SLC9A4: variants seen among roughly 807,000 people sequenced by gnomAD.
SLC9A4 encodes the protein solute carrier family 9 member A4.
SLC9A4 carries 63 observed loss-of-function variants against 67.4 expected under a neutral mutation model. The ratio of observed to expected loss-of-function variants is 0.93; its 90% CI spans 0.76 to 1.15. The LOEUF is 1.15. SLC9A4 is among the 50% of genes most tolerant of loss of function. The pLI is 0.00. For missense variants in SLC9A4, 1,089 were observed against 987.7 expected, an observed-to-expected ratio of 1.10 and a Z score of -1.38; for synonymous variants, 393 against 367.2, an observed-to-expected ratio of 1.07 and a Z score of -0.80.
rs571052319 is a variant in SLC9A4 at position 102,479,358 on chromosome 2, C to T, written c.720+56C>T. The T allele has an allele frequency of 5.3e-6, 8 of 1,517,396 alleles. No homozygotes were observed. In the South Asian group the frequency reaches 8.8e-5, roughly 17 times the overall value. 94.0% of individuals were successfully genotyped at this position (1,517,396 alleles called of 1,614,324 possible). On this transcript the variant is annotated intron_variant, in intron 2 of 11. Transcript: ENST00000295269. ...GGGGAGATGAGGGTTCGGGGTGGGG[C>T]TGGGGACCGGAGGCTGTGGAGACGG...
rs61195337 is a variant in SLC9A4, at chr2:102,483,799, CATATATATATATATATATATAT to C, written c.720+4519_720+4540del. On this transcript the variant is annotated intron_variant, in intron 2 of 11. Coordinates refer to ENST00000295269, the MANE Select transcript of SLC9A4 (RefSeq NM_001011552.4). ...TTAGTAACTATCTCACCATGTACAG[CATATATATATATATATATATAT>C]ATATATATATATATATATATACACA... Among the ~76,000 whole-genome samples the C allele has an allele frequency of 1.6e-3, 179 of 114,294 alleles. 4 individuals are homozygous for C. The highest frequency in any genetic ancestry group is 4.9e-3 in the African/African-American group (149 of 30,408). The allele number at this position is 114,294 out of a possible 152,430, so 75.0% of individuals were successfully genotyped here.
rs1685025765 is a variant in SLC9A4 at position 102,505,239 on chromosome 2, C to CT, written c.981-14dup. ...AACCTCATGGATTTTCTCTGAGACT[C>CT]TGCTCCTTTTATAGAATCACAGCCT... On this transcript the variant is annotated splice_polypyrimidine_tract_variant and intron_variant, in intron 3 of 11. Transcript: ENST00000295269. The CT allele has an allele frequency of 6.2e-7, 1 of 1,610,900 alleles. No homozygotes were observed. The highest frequency in any genetic ancestry group is 1.1e-5 in the South Asian group (1 of 90,478).
chr2:102,491,700 T>G (rs941484356), intron 2 of SLC9A4, among the ~76,000 whole-genome samples: 1 of 152,168 alleles, frequency 6.6e-6, no homozygotes, highest in Non-Finnish European at 1.5e-5. Flanking sequence ...CATATTGTTT[T>G]ACCGCTGTCC....
chr2:102,487,564 C>T (rs894192752), intron 2 of SLC9A4, among the ~76,000 whole-genome samples: 1 of 152,154 alleles, frequency 6.6e-6, no homozygotes, highest in Non-Finnish European at 1.5e-5. Flanking sequence ...CATTGCAATG[C>T]CTCCCATTTG....
intron 8 of SLC9A4, among the ~76,000 whole-genome samples, chr2:102,518,030 C>T (rs1268319508): frequency 1.3e-5 from 2 of 152,206 alleles, no homozygotes; most frequent in Non-Finnish European, 2.9e-5. Context: ...CTCCAGGTAT[C>T]ACCTTGCCCA....
intron 2 of SLC9A4, among the ~76,000 whole-genome samples, chr2:102,499,292 GGATA>G (rs542931351): frequency 1.0e-4 from 8 of 76,572 alleles, no homozygotes; most frequent in East Asian, 4.6e-4. Context: ...ATATATAGAT[GGATA>G]GATAGATAGA....
At chr2:102,505,156 C>A in intron 3 of SLC9A4, 98 bp from the exon 4 acceptor site, 1 of 1,069,340 alleles carries the variant, frequency 9.4e-7, no homozygotes. Context: ...CCTGCATCAA[C>A]ACGGGCTTCA....
At position 102,473,892 on chromosome 2, in the gene SLC9A4, T is replaced by C. The variant is rs570988424; in HGVS notation, c.133T>C (p.Trp45Arg). Residue 45 changes from tryptophan to arginine, a missense_variant, in exon 1 of 12, where the codon TGG (tryptophan) becomes CGG (arginine). Transcript: ENST00000295269. ...NSTAQYASNA[W>R]FAAASSEPEE... Reference sequence around the variant, plus strand: ...CACTGCTCAGTATGCATCTAACGCTTGGTTTGCTGCTGCCAGCTCAGAGCC... The same window carrying C: ...CACTGCTCAGTATGCATCTAACGCTCGGTTTGCTGCTGCCAGCTCAGAGCC... 1.2e-6 allele frequency: 2 copies of C among 1,614,150 alleles called. No homozygotes were observed. The highest frequency in any genetic ancestry group is 2.2e-5 in the South Asian group (2 of 91,086).
At chr2:102,480,874 C>T (rs575501391) in intron 2 of SLC9A4, among the ~76,000 whole-genome samples, 31 of 152,262 alleles carry the variant, frequency 2.0e-4, no homozygotes, top group African/African-American at 6.5e-4. Flanking sequence ...CCACATGCCC[C>T]GCAGGACCAC....
chr2:102,509,665 A>G (rs1422826561), intron 6 of SLC9A4, among the ~76,000 whole-genome samples: 1 of 152,146 alleles, frequency 6.6e-6, no homozygotes, highest in East Asian at 1.9e-4. Context: ...AAAAATCCCA[A>G]ATCTCAATAT....
At position 102,497,340 on chromosome 2, in the gene SLC9A4, A is replaced by G. The variant is rs534933473; in HGVS notation, c.721-6108A>G. On this transcript the variant is annotated intron_variant, in intron 2 of 11. Coordinates refer to ENST00000295269, the MANE Select transcript of SLC9A4 (RefSeq NM_001011552.4). ...AGGTATATACGCAAGAGAAATGACA[A>G]CATAGGTCTACAAAAAAGGCTTGTA... 7.2e-5 allele frequency among the ~76,000 whole-genome samples: 11 copies of G among 152,338 alleles called. No individual in the cohort carries two copies. In the East Asian group the frequency reaches 2.1e-3, roughly 29 times the overall value.
At chr2:102,523,135 T>C (rs1226952891) in intron 9 of SLC9A4, among the ~76,000 whole-genome samples, 1 of 8,614 alleles carries the variant, frequency 1.2e-4, no homozygotes, top group African/African-American at 5.6e-4. Context: ...CACCCAGCAT[T>C]TTTTTTTTTT....
intron 2 of SLC9A4, among the ~76,000 whole-genome samples, chr2:102,489,378 C>T (rs893460465): frequency 1.6e-4 from 25 of 152,096 alleles, no homozygotes; most frequent in African/African-American, 3.9e-4. Context: ...AGAAATTGTT[C>T]GGTAGTTATA....
Position 102,474,028 on chromosome 2 carries a change from A to G in SLC9A4, c.256+13A>G. On this transcript the variant is annotated intron_variant, in intron 1 of 11. Coordinates refer to ENST00000295269, the MANE Select transcript of SLC9A4 (RefSeq NM_001011552.4). ...CTTGCAAAAATAGGTAAGTCCTTAAACACCTGGTTTGGTGAGTTATCTTTT... is the reference window on the plus strand; with the variant it reads ...CTTGCAAAAATAGGTAAGTCCTTAAGCACCTGGTTTGGTGAGTTATCTTTT... The G allele has an allele frequency of 6.2e-7, 1 of 1,610,206 alleles. No homozygotes were observed. Among genetic ancestry groups the G allele is most frequent in the Non-Finnish European group, 8.5e-7 (1 of 1,177,434 alleles).
At chr2:102,496,346 A>C (rs1031807830) in intron 2 of SLC9A4, among the ~76,000 whole-genome samples, 1 of 152,214 alleles carries the variant, frequency 6.6e-6, no homozygotes, top group Non-Finnish European at 1.5e-5. Context: ...AATGACTAGA[A>C]TTTAAAAAAC....
rs2104449871 is a variant in SLC9A4, at chr2:102,526,804, A to G, written c.2038+458A>G. Among the ~76,000 whole-genome samples the G allele has an allele frequency of 1.3e-5, 2 of 152,314 alleles. 1 individual carries two copies. Among genetic ancestry groups the G allele is most frequent in the South Asian group, 4.1e-4 (2 of 4,832 alleles). On this transcript the variant is annotated intron_variant, in intron 11 of 11. Coordinates refer to ENST00000295269, the MANE Select transcript of SLC9A4 (RefSeq NM_001011552.4). ...TGATTTCACCAGATTTACTGATTAA[A>G]TGTTTTCCATTTAATATTTAATTAT...
intron 2 of SLC9A4, among the ~76,000 whole-genome samples, chr2:102,483,427 C>T (rs1481238605): frequency 1.3e-5 from 2 of 152,178 alleles, no homozygotes; most frequent in Non-Finnish European, 2.9e-5. Context: ...CACAAGCATG[C>T]CTTTTCGGCA....
chr2:102,476,692 GAGAAAGAGAAGA>G, intron 1 of SLC9A4, among the ~76,000 whole-genome samples: 1 of 152,168 alleles, frequency 6.6e-6, no homozygotes, highest in East Asian at 1.9e-4. Flanking sequence ...AAACGGTAAG[GAGAAAGAGAAGA>G]AGGAGGAGAT....
At chr2:102,487,441 CT>C (rs1453796602) in intron 2 of SLC9A4, among the ~76,000 whole-genome samples, 3 of 152,272 alleles carry the variant, frequency 2.0e-5, no homozygotes, top group Admixed American at 2.0e-4. Context: ...ACTTCCTGCA[CT>C]TGTGGAGTCT....
Sources: allele counts gnomAD v4.1 joint callset (sites outside exome capture counted in the v4.1 genomes callset), GRCh38; gene constraint gnomAD v4.1.1; transcripts MANE v1.5; gene names NCBI Gene and HGNC (gene_info 2026-07-23, HGNC 2026-07-21).